The following WLS variants were observed in gnomAD, a reference collection of about 807,000 sequenced individuals.
The protein encoded by WLS is protein wntless homolog.
Under a neutral mutation model 62.8 loss-of-function variants are expected in WLS, and 23 were observed. The ratio of observed to expected loss-of-function variants is 0.37; its 90% CI spans 0.26 to 0.52. The LOEUF (loss-of-function observed/expected upper bound fraction) is 0.52, where lower values mean the gene tolerates loss of function less well. Among genes scored for constraint, WLS ranks in the 20% least tolerant of loss-of-function variants. The probability of loss-of-function intolerance (pLI) is 0.92; values close to 1 mark genes in which losing one functional copy is unlikely to be tolerated. For synonymous variants in WLS, 246 were observed against 244.1 expected (o/e 1.01, Z -0.07); for missense variants, 615 against 697.3 (o/e 0.88, Z 1.33).
At chr1:68,163,004 G>C in intron 2 of WLS, 1 of 1,594,514 alleles carries the variant, frequency 6.3e-7, no homozygotes, top group Non-Finnish European at 8.6e-7. Flanking sequence ...AGGAGTGCAG[G>C]GGGCCGTTCA....
At chr1:68,098,887 T>C in intron 11 of WLS, 3 of 1,370,932 alleles carry the variant, frequency 2.2e-6, no homozygotes, top group Non-Finnish European at 2.9e-6. Flanking sequence ...GTGTTTGAAA[T>C]TTGTTTAGGA....
At chr1:68,224,785 A>T (rs1034207636) in intron 1 of WLS, among the ~76,000 whole-genome samples, 1 of 151,828 alleles carries the variant, frequency 6.6e-6, no homozygotes, top group Non-Finnish European at 1.5e-5. Context: ...GGTGGGGGGG[A>T]TTGAGCTTTC....
At chr1:68,131,768 T>G (rs1366080940) in intron 11 of WLS, among the ~76,000 whole-genome samples, 1 of 152,132 alleles carries the variant, frequency 6.6e-6, no homozygotes, top group African/African-American at 2.4e-5. Flanking sequence ...AGGGCCTTCT[T>G]AAAGAAGTAA....
intron 2 of WLS, among the ~76,000 whole-genome samples, chr1:68,179,656 C>G (rs942751386): frequency 2.0e-5 from 3 of 152,128 alleles, no homozygotes; most frequent in African/African-American, 7.2e-5. Flanking sequence ...TGCTGAGAAG[C>G]TGGAGGGTCT....
chr1:68,165,176 C>T (rs900045894), intron 2 of WLS, among the ~76,000 whole-genome samples: 1 of 152,194 alleles, frequency 6.6e-6, no homozygotes, highest in African/African-American at 2.4e-5. Flanking sequence ...GTCATCAGCT[C>T]ACACACAGGT....
rs1183339102 is a variant in WLS at position 68,226,505 on chromosome 1, TTAATA to T, written c.106+5684_106+5688del. 5.3e-5 allele frequency among the ~76,000 whole-genome samples: 8 copies of T among 152,356 alleles called. No homozygotes were observed. The East Asian group carries it at 1.2e-3, about 22-fold the overall frequency. ...AATATATCTATTTCAAGATGAAATA[TTAATA>T]TAATTAGTTGATGGTATAATTAGTA... On this transcript the variant is annotated intron_variant, in intron 1 of 11. Coordinates refer to ENST00000262348, the MANE Select transcript of WLS (RefSeq NM_024911.7).
chr1:68,220,694 A>T (rs752657482), intron 1 of WLS, among the ~76,000 whole-genome samples: 4 of 152,176 alleles, frequency 2.6e-5, no homozygotes, highest in African/African-American at 9.7e-5. Context: ...TCGAGCCAAC[A>T]CTTATTTTTA....
chr1:68,155,066 A>G (rs1319169399), intron 4 of WLS, 33 bp downstream of exon 4: 1 of 1,605,130 alleles, frequency 6.2e-7, no homozygotes, highest in Non-Finnish European at 8.5e-7. Flanking sequence ...TTCCCCTCCA[A>G]TACACATGTC....
intron 2 of WLS, among the ~76,000 whole-genome samples, chr1:68,193,492 T>C (rs1648483810): frequency 6.9e-6 from 1 of 144,562 alleles, no homozygotes; most frequent in Non-Finnish European, 1.5e-5. Context: ...TGGGTTGGCA[T>C]TTCCATTTTG....
In WLS at chr1:68,126,192, T is replaced by C. The variant is rs1233381709; in HGVS notation, c.*34A>G. 3 of 1,612,742 alleles carry C rather than the reference T, an allele frequency of 1.9e-6. No individual in the cohort carries two copies. The highest frequency in any genetic ancestry group is 2.2e-5 in the South Asian group (2 of 90,816). On this transcript the variant is annotated 3_prime_UTR_variant, in exon 12 of 12. Coordinates refer to ENST00000262348, the MANE Select transcript of WLS (RefSeq NM_024911.7). Reference sequence around the variant, plus strand: ...CACTCTAGTTAGAGGGGCTGGGGTATGGAGAGACCGTCCCAGCCGGGCGCT... The same window carrying C: ...CACTCTAGTTAGAGGGGCTGGGGTACGGAGAGACCGTCCCAGCCGGGCGCT...
chr1:68,139,654 A>G (rs1025338455), intron 10 of WLS, among the ~76,000 whole-genome samples: 1 of 152,230 alleles, frequency 6.6e-6, no homozygotes, highest in Non-Finnish European at 1.5e-5. Context: ...CTCAATATTG[A>G]CAATTTTAGT....
chr1:68,156,790 C>T (rs1031174651), intron 3 of WLS, among the ~76,000 whole-genome samples: 4 of 152,050 alleles, frequency 2.6e-5, no homozygotes, highest in Non-Finnish European at 5.9e-5. Context: ...TCCTTTCTCT[C>T]TTATACTTTC....
intron 1 of WLS, among the ~76,000 whole-genome samples, chr1:68,206,762 A>C (rs1345979403): frequency 6.6e-6 from 1 of 152,234 alleles, no homozygotes; most frequent in Non-Finnish European, 1.5e-5. Context: ...CAACTGTAAA[A>C]GGCAGTATTT....
chr1:68,232,304 G>C lies in WLS; in HGVS notation c.-5C>G, dbSNP rs1340191564. 6.2e-7 allele frequency: 1 copy of C among 1,612,970 alleles called. No individual in the cohort carries two copies. The highest frequency in any genetic ancestry group is 1.3e-5 in the African/African-American group (1 of 74,830). On this transcript the variant is annotated 5_prime_UTR_variant, in exon 1 of 12. Transcript: ENST00000262348. The stretch of plus-strand genomic sequence containing the variant: ...TTCTATAATTGCCCCAGCCATTTTT[G>C]CGCCCCCCCTTTTTCTTTTCTCCTT...
At chr1:68,148,063 C>A (rs745734307) in intron 8 of WLS, 73 bp downstream of exon 8, 284 of 1,525,774 alleles carry the variant, frequency 1.9e-4, no homozygotes, top group Non-Finnish European at 2.4e-4. Flanking sequence ...ATCAGCAGAG[C>A]CTTAGAAAAT....
intron 1 of WLS, among the ~76,000 whole-genome samples, chr1:68,231,213 G>C (rs1449988376): frequency 6.6e-6 from 1 of 152,148 alleles, no homozygotes; most frequent in Non-Finnish European, 1.5e-5. Flanking sequence ...TTTCCGAGTG[G>C]ACGGTCCGTG....
intron 11 of WLS, among the ~76,000 whole-genome samples, chr1:68,135,996 C>T (rs1442445346): frequency 6.6e-6 from 1 of 152,206 alleles, no homozygotes; most frequent in Admixed American, 6.5e-5. Context: ...TCTGTATTCT[C>T]ACCTCAGACC....
At chr1:68,108,760 A>C (rs269353) in intron 11 of WLS, among the ~76,000 whole-genome samples, 141,543 of 152,212 alleles carry the variant, frequency 0.93, 66,107 homozygotes, top group Middle Eastern at 0.97. Flanking sequence ...TAAGTTTATT[A>C]TCTGGGGAAA....
In WLS at chr1:68,150,356, T is replaced by G; in HGVS notation, c.804A>C (p.Lys268Asn). The change falls in exon 6 of 12, where the codon AAA becomes AAC. Residue 268 changes from lysine to asparagine, a missense_variant and splice_region_variant. Coordinates refer to ENST00000262348, the MANE Select transcript of WLS (RefSeq NM_024911.7). ...MMSRPPVLLE[K>N]VIFALGISMT... is the part of the protein sequence containing the mutation. Reference sequence around the variant, plus strand: ...TGGAAATCCCAAGGGCAAAGATGACTCTGATGGTGAGAAAATATCAGGACA... The same window carrying G: ...TGGAAATCCCAAGGGCAAAGATGACGCTGATGGTGAGAAAATATCAGGACA... 6.2e-7 allele frequency: 1 copy of G among 1,613,956 alleles called. No individual in the cohort carries two copies. The highest frequency in any genetic ancestry group is 1.1e-5 in the South Asian group (1 of 91,020).
Sources: gnomAD v4.1 joint callset for allele counts (sites outside exome capture counted in the v4.1 genomes callset) on GRCh38, gnomAD v4.1.1 for gene constraint, MANE v1.5 for transcripts, NCBI Gene and HGNC (gene_info 2026-07-23, HGNC 2026-07-21) for gene names.